The following CERS6 variants were observed in gnomAD, a reference collection of about 807,000 sequenced individuals.
The protein encoded by CERS6 is LAG1 homolog, ceramide synthase 6.
Under a neutral mutation model 56.8 loss-of-function variants are expected in CERS6, and 26 were observed. The ratio of observed to expected loss-of-function variants is 0.46; its 90% confidence interval spans 0.34 to 0.63. The LOEUF (loss-of-function observed/expected upper bound fraction) is 0.63, where lower values mean the gene tolerates loss of function less well. Among genes scored for constraint, CERS6 ranks in the 30% least tolerant of loss-of-function variants. The probability of loss-of-function intolerance (pLI) is 0.01; values close to 1 mark genes in which losing one functional copy is unlikely to be tolerated. For missense variants in CERS6, 415 were observed against 467.5 expected (o/e 0.89, Z 1.04); for synonymous variants, 164 against 173.3 (o/e 0.95, Z 0.42).
chr2:168,500,471 A>G (rs1353759290), intron 1 of CERS6, among the ~76,000 whole-genome samples: 10 of 152,214 alleles, frequency 6.6e-5, no homozygotes, highest in Admixed American at 1.3e-4. Context: ...TTTATTGTGA[A>G]TGGATTTAGG....
At chr2:168,611,829 C>G (rs945117653) in intron 3 of CERS6, among the ~76,000 whole-genome samples, 3 of 152,216 alleles carry the variant, frequency 2.0e-5, no homozygotes, top group Non-Finnish European at 4.4e-5. Flanking sequence ...CAGAGTCTCT[C>G]ATTTACGTGA....
intron 1 of CERS6, among the ~76,000 whole-genome samples, chr2:168,509,497 G>A (rs944118579): frequency 6.6e-6 from 1 of 152,110 alleles, no homozygotes; most frequent in Non-Finnish European, 1.5e-5. Flanking sequence ...GGATAGCGGT[G>A]GCCAGACCTG....
rs145774977 is a variant in CERS6, at chr2:168,572,672, T to G, written c.407+11350T>G. ...CTCTTTCCTTTCCACCTCCAACTTA[T>G]GAAGGGCTGGAGTTAAATTTGTTGC... On this transcript the variant is annotated intron_variant, in intron 3 of 9. Transcript: ENST00000305747. Among the ~76,000 whole-genome samples, 888 of 152,274 alleles carry G rather than the reference T, an allele frequency of 5.8e-3. 11 individuals carry two copies. The highest frequency in any genetic ancestry group is 0.019 in the African/African-American group (800 of 41,556).
At chr2:168,637,927 A>G (rs968003571) in intron 4 of CERS6, among the ~76,000 whole-genome samples, 4 of 152,076 alleles carry the variant, frequency 2.6e-5, no homozygotes, top group African/African-American at 9.7e-5. Flanking sequence ...TAGGAATTGG[A>G]ATGGAAAAGA....
intron 1 of CERS6, among the ~76,000 whole-genome samples, chr2:168,503,612 T>A (rs1315491128): frequency 6.6e-6 from 1 of 151,876 alleles, no homozygotes; most frequent in Admixed American, 6.6e-5. Context: ...AGCTATGGAG[T>A]CTGCTTGTTG....
At chr2:168,668,331 A>G (rs1685818892) in intron 4 of CERS6, among the ~76,000 whole-genome samples, 1 of 152,046 alleles carries the variant, frequency 6.6e-6, no homozygotes, top group African/African-American at 2.4e-5. Flanking sequence ...TCTTGGGATC[A>G]TATTTACCTC....
intron 3 of CERS6, among the ~76,000 whole-genome samples, chr2:168,620,060 C>CAT (rs1340621894): frequency 2.7e-5 from 2 of 75,266 alleles, no homozygotes; most frequent in East Asian, 7.9e-4. Context: ...CACACACACA[C>CAT]ACATATTTAT....
chr2:168,548,236 A>T (rs1695502474), intron 2 of CERS6, among the ~76,000 whole-genome samples: 1 of 152,182 alleles, frequency 6.6e-6, no homozygotes, highest in Non-Finnish European at 1.5e-5. Flanking sequence ...AAGTGAAGAG[A>T]TAGGTTCACT....
At chr2:168,738,495 G>T (rs1683782850) in intron 8 of CERS6, among the ~76,000 whole-genome samples, 1 of 152,134 alleles carries the variant, frequency 6.6e-6, no homozygotes, top group Admixed American at 6.5e-5. Context: ...TACGACTATG[G>T]AAGTTTGGAA....
chr2:168,589,161 C>T (rs1683614864), intron 3 of CERS6, among the ~76,000 whole-genome samples: 1 of 152,216 alleles, frequency 6.6e-6, no homozygotes, highest in African/African-American at 2.4e-5. Flanking sequence ...TTCCCAGCAA[C>T]AGTAAACAAG....
intron 6 of CERS6, among the ~76,000 whole-genome samples, chr2:168,712,692 C>G (rs948100574): frequency 6.6e-6 from 1 of 152,174 alleles, no homozygotes; most frequent in Non-Finnish European, 1.5e-5. Context: ...TGTTGCTGCT[C>G]TGGCTTCTAC....
At chr2:168,694,621 T>C (rs1020054188) in intron 5 of CERS6, among the ~76,000 whole-genome samples, 1 of 152,190 alleles carries the variant, frequency 6.6e-6, no homozygotes, top group African/African-American at 2.4e-5. Context: ...TTATTCTTTG[T>C]CTGTATTAGA....
At chr2:168,550,901 T>C (rs1695559643) in intron 2 of CERS6, among the ~76,000 whole-genome samples, 1 of 152,098 alleles carries the variant, frequency 6.6e-6, no homozygotes, top group African/African-American at 2.4e-5. Context: ...GCAGCAGCAG[T>C]CACTAGGAAG....
chr2:168,595,566 T>C (rs989253009), intron 3 of CERS6, among the ~76,000 whole-genome samples: 5 of 152,238 alleles, frequency 3.3e-5, no homozygotes, highest in African/African-American at 7.2e-5. Context: ...CCAATTTTAA[T>C]TGGCTGATTT....
At chr2:168,715,962 T>C (rs1051013070) in intron 7 of CERS6, among the ~76,000 whole-genome samples, 2 of 152,124 alleles carry the variant, frequency 1.3e-5, no homozygotes, top group Non-Finnish European at 2.9e-5. Flanking sequence ...TTGCTTTAAG[T>C]GCTTTGTTTT....
intron 1 of CERS6, among the ~76,000 whole-genome samples, chr2:168,499,047 C>T (rs1694531040): frequency 6.6e-6 from 1 of 152,124 alleles, no homozygotes; most frequent in Non-Finnish European, 1.5e-5. Flanking sequence ...CCCCTTTTGG[C>T]TGAGATTTGT....
intron 9 of CERS6, chr2:168,766,405 G>T: frequency 7.1e-7 from 1 of 1,415,468 alleles, no homozygotes; most frequent in Non-Finnish European, 9.9e-7. Context: ...TGTTGGAGGG[G>T]CACTCAGATG....
intron 3 of CERS6, among the ~76,000 whole-genome samples, chr2:168,575,807 C>G (rs903286243): frequency 6.6e-6 from 1 of 152,096 alleles, no homozygotes; most frequent in Non-Finnish European, 1.5e-5. Flanking sequence ...CTTCTTCTCA[C>G]CCCTTGGCCT....
At position 168,456,952 on chromosome 2, in the gene CERS6, C is replaced by T. The variant is rs1395708839; in HGVS notation, c.170+334C>T. On this transcript the variant is annotated intron_variant, in intron 1 of 9. Transcript: ENST00000305747. The surrounding 1 kb of genome is among the most constrained non-coding windows in gnomAD (Gnocchi z 4.1). The stretch of plus-strand genomic sequence containing the variant: ...GTCGGGCTCAGGACCCGCCGCATTC[C>T]GCGGGGCTCGCCCCTCTCCGCCGGC... 6.6e-6 allele frequency among the ~76,000 whole-genome samples: 1 copy of T among 152,214 alleles called. No individual in the cohort carries two copies. Among genetic ancestry groups the T allele is most frequent in the Non-Finnish European group, 1.5e-5 (1 of 68,036 alleles).
Sources: gnomAD v4.1 joint callset for allele counts (sites outside exome capture counted in the v4.1 genomes callset) on GRCh38, gnomAD v4.1.1 for gene constraint, Gnocchi (gnomAD v3.1) non-coding constraint, MANE v1.5 for transcripts, NCBI Gene and HGNC (gene_info 2026-07-23, HGNC 2026-07-21) for gene names.